NRG1: variants seen among roughly 807,000 people sequenced by gnomAD.
The protein encoded by NRG1 is pro-neuregulin-1, membrane-bound isoform.
Under a neutral mutation model 63.8 loss-of-function variants are expected in NRG1, and 18 were observed. The ratio of observed to expected loss-of-function variants is 0.28; its 90% CI spans 0.19 to 0.42. The LOEUF (loss-of-function observed/expected upper bound fraction) is 0.42, where lower values mean the gene tolerates loss of function less well. Ranked by LOEUF, NRG1 falls within the 10% of genes least tolerant of loss-of-function variation. The probability of loss-of-function intolerance (pLI) is 1.00; values close to 1 mark genes in which losing one functional copy is unlikely to be tolerated. For missense variants in NRG1, 762 were observed against 814.7 expected (o/e 0.94, Z 0.79); for synonymous variants, 302 against 301.3 (o/e 1.00, Z -0.02).
rs111943374 is a variant in NRG1, at chr8:32,140,751, C to T, written c.38-455077C>T. Among the ~76,000 whole-genome samples, 890 of 152,296 alleles carry T rather than the reference C, an allele frequency of 5.8e-3. 16 individuals are homozygous for T. The highest frequency in any genetic ancestry group is 0.02 in the African/African-American group (821 of 41,554). ...GTGCAGGGATTACAGACATGAGCCA[C>T]CCATGTACCTGGTTTCTCTCTTCTT... is the stretch of plus-strand genomic sequence containing the variant. On this transcript the variant is annotated intron_variant, in intron 1 of 10. Transcript: ENST00000519301.
intron 7 of NRG1, chr8:32,748,848 A>C: frequency 6.1e-6 from 2 of 329,212 alleles, no homozygotes; most frequent in South Asian, 4.6e-5. Flanking sequence ...AAAAACTAGA[A>C]GGAGTCTCCA....
At chr8:32,727,994 C>A (rs1465600959) in exon 6 of NRG1, 2 of 1,614,014 alleles carry the variant, frequency 1.2e-6, no homozygotes, top group South Asian at 2.2e-5. Context: ...GTAAAATGTG[C>A]GGAGAAGGAG....
At chr8:32,042,867 CA>C (rs887966979) in intron 1 of NRG1, among the ~76,000 whole-genome samples, 6 of 149,604 alleles carry the variant, frequency 4.0e-5, no homozygotes, top group South Asian at 2.1e-4. Flanking sequence ...AACATGATTT[CA>C]AAAAAAATGA....
intron 1 of NRG1, among the ~76,000 whole-genome samples, chr8:32,313,526 T>A (rs1857051310): frequency 6.6e-6 from 1 of 152,184 alleles, no homozygotes; most frequent in Non-Finnish European, 1.5e-5. Flanking sequence ...TGCCACTAAC[T>A]GAAACTCAGT....
intron 1 of NRG1, among the ~76,000 whole-genome samples, chr8:32,091,226 T>C (rs1297017235): frequency 2.0e-5 from 3 of 148,376 alleles, no homozygotes; most frequent in Non-Finnish European, 4.4e-5. Context: ...TGCAGTGAGC[T>C]GAGATCACGC....
chr8:32,578,993 T>C (rs1295201611), intron 1 of NRG1, among the ~76,000 whole-genome samples: 1 of 152,180 alleles, frequency 6.6e-6, no homozygotes, highest in Non-Finnish European at 1.5e-5. Context: ...TTAGGTTTAT[T>C]AAAATTCCTA....
At chr8:32,682,632 G>C (rs1589176506) in intron 5 of NRG1, among the ~76,000 whole-genome samples, 1 of 152,118 alleles carries the variant, frequency 6.6e-6, no homozygotes, top group Non-Finnish European at 1.5e-5. Flanking sequence ...CATGGGCAAG[G>C]CCGCAGGTGC....
At chr8:31,681,536 T>C (rs1016865292) in intron 1 of NRG1, among the ~76,000 whole-genome samples, 2 of 151,986 alleles carry the variant, frequency 1.3e-5, no homozygotes, top group Non-Finnish European at 2.9e-5. Flanking sequence ...TGCAGAGGTA[T>C]GGGAGAAACA....
chr8:32,246,751 C>T (rs1848622966), intron 1 of NRG1, among the ~76,000 whole-genome samples: 1 of 151,964 alleles, frequency 6.6e-6, no homozygotes, highest in Non-Finnish European at 1.5e-5. Context: ...TTCTCACTTA[C>T]ATGAGGAATC....
At chr8:32,387,605 T>A (rs1290247617) in intron 1 of NRG1, among the ~76,000 whole-genome samples, 1 of 152,160 alleles carries the variant, frequency 6.6e-6, no homozygotes, top group Non-Finnish European at 1.5e-5. Flanking sequence ...AAGTAATATT[T>A]ACCTACTTGT....
At chr8:32,420,471 G>A (rs1312850922) in intron 1 of NRG1, among the ~76,000 whole-genome samples, 1 of 151,922 alleles carries the variant, frequency 6.6e-6, no homozygotes, top group Non-Finnish European at 1.5e-5. Flanking sequence ...TTCTTTAAAT[G>A]TGCCTTTTAT....
At chr8:32,504,547 C>T (rs1828299419) in intron 1 of NRG1, among the ~76,000 whole-genome samples, 1 of 151,886 alleles carries the variant, frequency 6.6e-6, no homozygotes, top group Non-Finnish European at 1.5e-5. Context: ...CACATAGGTA[C>T]AACGTACATA....
At chr8:32,633,076 G>T (rs937033458) in intron 5 of NRG1, among the ~76,000 whole-genome samples, 1 of 151,706 alleles carries the variant, frequency 6.6e-6, no homozygotes, top group Admixed American at 6.6e-5. Flanking sequence ...TGATATTTTA[G>T]AATTTCTATG....
chr8:32,625,795 C>CT lies in NRG1; in HGVS notation c.502+8924dup, dbSNP rs1457757802. Reference sequence around the variant, plus strand: ...CTCTCTTTTTTTTTTTTTCTTTTTTCTTTTTTTTTTTTTTCTTGAGACGGA... The same window carrying CT: ...CTCTCTTTTTTTTTTTTTCTTTTTTCTTTTTTTTTTTTTTTCTTGAGACGGA... On this transcript the variant is annotated intron_variant, in intron 5 of 11. Transcript: ENST00000356819. Among the ~76,000 whole-genome samples the CT allele has an allele frequency of 8.2e-3, 803 of 98,456 alleles. 6 individuals are homozygous for CT. Among genetic ancestry groups the CT allele is most frequent in the African/African-American group, 0.02 (556 of 27,252 alleles). The allele number at this position is 98,456 out of a possible 152,430, so 64.6% of individuals were successfully genotyped here.
At chr8:31,981,973 G>A (rs539997196) in intron 1 of NRG1, among the ~76,000 whole-genome samples, 2 of 151,986 alleles carry the variant, frequency 1.3e-5, no homozygotes, top group South Asian at 2.1e-4. Flanking sequence ...GGGTGAGGAA[G>A]GATCTTTTGT....
At chr8:32,773,565 G>T (rs1831929665) in intron 7 of NRG1, among the ~76,000 whole-genome samples, 2 of 152,116 alleles carry the variant, frequency 1.3e-5, no homozygotes, top group African/African-American at 4.8e-5. Flanking sequence ...GGTGACAATG[G>T]TGATTGTACC....
At chr8:31,827,739 C>T (rs1171094309) in intron 1 of NRG1, among the ~76,000 whole-genome samples, 2 of 152,128 alleles carry the variant, frequency 1.3e-5, no homozygotes, top group Non-Finnish European at 2.9e-5. Flanking sequence ...TCTCTTTATT[C>T]GATTGTTTGC....
intron 1 of NRG1, among the ~76,000 whole-genome samples, chr8:31,913,305 T>G (rs962418618): frequency 1.1e-4 from 16 of 152,258 alleles, no homozygotes; most frequent in Middle Eastern, 3.4e-3. Context: ...TTTATTGAGA[T>G]TTTTTTCAAA....
intron 1 of NRG1, among the ~76,000 whole-genome samples, chr8:31,686,128 A>T (rs1270558582): frequency 6.6e-6 from 1 of 152,198 alleles, no homozygotes; most frequent in African/African-American, 2.4e-5. Context: ...TTTATTTAAA[A>T]CTAACTACAT....
Sources: allele counts gnomAD v4.1 joint callset (sites outside exome capture counted in the v4.1 genomes callset), GRCh38; gene constraint gnomAD v4.1.1; transcripts MANE v1.5; gene names NCBI Gene and HGNC (gene_info 2026-07-23, HGNC 2026-07-21).